Variants in CPED1 observed in about 807,000 individuals in gnomAD.
The protein encoded by CPED1 is cadherin like and PC-esterase domain containing 1, also known as cadherin-like and PC-esterase domain-containing protein 1.
A neutral mutation model predicts 128.2 loss-of-function variants in CPED1; 114 were observed. That is an observed-to-expected ratio of 0.89 (90% CI 0.76 to 1.04). The LOEUF is 1.04. Among genes scored for constraint, CPED1 ranks in the 50% least tolerant of loss-of-function variants. CPED1 has a pLI of 0.00. For synonymous variants in CPED1, 462 were observed against 426.7 expected (o/e 1.08, Z -1.02); for missense variants, 1,211 against 1,207.1 (o/e 1.00, Z -0.05).
chr7:121,069,086 T>A (rs1054854990), intron 5 of CPED1, among the ~76,000 whole-genome samples: 1 of 152,116 alleles, frequency 6.6e-6, no homozygotes, highest in Non-Finnish European at 1.5e-5. Context: ...AGGCACTATC[T>A]CTTTTTCAAG....
At chr7:121,021,945 T>C (rs748792536) in intron 3 of CPED1, among the ~76,000 whole-genome samples, 3 of 152,036 alleles carry the variant, frequency 2.0e-5, no homozygotes, top group Admixed American at 6.6e-5. Flanking sequence ...ATAGGTGTTT[T>C]TCAATTTAGC....
chr7:121,275,155 A>G (rs1014322407), intron 22 of CPED1, among the ~76,000 whole-genome samples: 1 of 152,150 alleles, frequency 6.6e-6, no homozygotes, highest in African/African-American at 2.4e-5. Context: ...TTGTGGTTAG[A>G]ATTCTATCAT....
chr7:121,006,804 G>C (rs973388713), intron 2 of CPED1, among the ~76,000 whole-genome samples: 2 of 152,150 alleles, frequency 1.3e-5, no homozygotes, highest in African/African-American at 2.4e-5. Flanking sequence ...ATAGTAAACT[G>C]CTGACCCACA....
At chr7:121,290,948 A>G (rs1416136812) in intron 22 of CPED1, among the ~76,000 whole-genome samples, 1 of 152,204 alleles carries the variant, frequency 6.6e-6, no homozygotes, top group East Asian at 1.9e-4. Context: ...CTTATGTTTA[A>G]ATATTTAAAC....
At chr7:121,048,029 C>T (rs992400256) in intron 4 of CPED1, among the ~76,000 whole-genome samples, 4 of 152,098 alleles carry the variant, frequency 2.6e-5, no homozygotes, top group Admixed American at 6.6e-5. Flanking sequence ...GCTGAGCACA[C>T]GCTTTTGTGA....
At chr7:121,131,472 C>G (rs942674915) in intron 12 of CPED1, among the ~76,000 whole-genome samples, 1 of 151,296 alleles carries the variant, frequency 6.6e-6, no homozygotes, top group African/African-American at 2.4e-5. Context: ...GACTTGATTT[C>G]CACAGGAAGC....
chr7:121,243,506 C>T (rs1798449863), intron 17 of CPED1, among the ~76,000 whole-genome samples: 1 of 152,060 alleles, frequency 6.6e-6, no homozygotes, highest in African/African-American at 2.4e-5. Context: ...TACTTTCTAC[C>T]TGAACTCTGT....
At chr7:121,135,787 G>A (rs1177978531) in intron 13 of CPED1, among the ~76,000 whole-genome samples, 2 of 151,916 alleles carry the variant, frequency 1.3e-5, no homozygotes, top group East Asian at 1.9e-4. Context: ...GCTGATCAAC[G>A]TCAGGCAATA....
chr7:121,230,922 T>C (rs1476230070), intron 16 of CPED1, among the ~76,000 whole-genome samples: 2 of 152,032 alleles, frequency 1.3e-5, no homozygotes, highest in East Asian at 3.9e-4. Context: ...GTCATAGTTA[T>C]ATTGAAATTG....
chr7:121,100,199 A>G, intron 7 of CPED1, 105 bp downstream of exon 7: 1 of 943,056 alleles, frequency 1.1e-6, no homozygotes, highest in South Asian at 1.7e-5. Flanking sequence ...ATCCCATTGA[A>G]CAAGGATCAC....
chr7:121,119,038 T>C (rs1225890736), intron 7 of CPED1, among the ~76,000 whole-genome samples: 2 of 152,202 alleles, frequency 1.3e-5, no homozygotes, highest in South Asian at 2.1e-4. Flanking sequence ...AATACAATTT[T>C]ACTTTTTATT....
intron 18 of CPED1, among the ~76,000 whole-genome samples, chr7:121,250,457 GA>G (rs1439705719): frequency 3.3e-5 from 5 of 151,866 alleles, no homozygotes; most frequent in Admixed American, 3.3e-4. Context: ...CAGAAGGCAA[GA>G]AATAACTAAG....
intron 18 of CPED1, among the ~76,000 whole-genome samples, chr7:121,255,839 A>G (rs1177546898): frequency 1.3e-5 from 2 of 152,058 alleles, no homozygotes; most frequent in Non-Finnish European, 2.9e-5. Context: ...ATACCTAGGA[A>G]TACAGATAAG....
Position 121,295,537 on chromosome 7 carries a change from T to A in CPED1, c.2966T>A (p.Leu989Gln). Residue 989 changes from leucine to glutamine, a missense_variant, in exon 23 of 23, where the codon CTA becomes CAA. Physicochemically the swap from Leu to Gln is moderately radical, Grantham distance 113. Transcript: ENST00000310396. The part of the protein sequence containing the change: ...MGRYFSNQSK[L>Q]QQGTVTNFRS... ...AGATATTTCAGCAATCAAAGCAAAC[T>A]ACAACAAGGCACTGTAACAAATTTT... 6.2e-7 allele frequency: 1 copy of A among 1,614,082 alleles called. No homozygotes were observed. Among genetic ancestry groups the A allele is most frequent in the Non-Finnish European group, 8.5e-7 (1 of 1,179,942 alleles).
Position 121,236,752 on chromosome 7 carries a change from G to A in CPED1, c.2094G>A (p.Gly698=), listed in dbSNP as rs1200177075. 9 of 1,608,870 alleles carry A rather than the reference G, an allele frequency of 5.6e-6. No homozygotes were observed. Among genetic ancestry groups the A allele is most frequent in the Non-Finnish European group, 5.9e-6 (7 of 1,177,894 alleles). ...TGATTCATCCAGAGGAAACCTGTGG[G>A]TTACAGCCTATTTCTTCTGACTACA... The part of the protein sequence containing the change: ...GLLIHPEETC[G]LQPISSDYIE... Residue 698 remains glycine, a synonymous_variant, in exon 17 of 23, where the codon GGG becomes GGA. Coordinates refer to ENST00000310396, the MANE Select transcript of CPED1 (RefSeq NM_024913.5).
chr7:121,111,876 A>G (rs1001977342), intron 7 of CPED1, among the ~76,000 whole-genome samples: 6 of 152,210 alleles, frequency 3.9e-5, no homozygotes, highest in Non-Finnish European at 8.8e-5. Flanking sequence ...TCATCTCCAA[A>G]CTTAGTGACT....
intron 16 of CPED1, among the ~76,000 whole-genome samples, chr7:121,213,475 CTT>C (rs1301172800): frequency 6.6e-6 from 1 of 152,036 alleles, no homozygotes; most frequent in African/African-American, 2.4e-5. Context: ...AGGAGACACT[CTT>C]TAAGAGTTAG....
chr7:121,131,481 G>C (rs1041038963), intron 12 of CPED1, among the ~76,000 whole-genome samples: 1 of 151,068 alleles, frequency 6.6e-6, no homozygotes, highest in African/African-American at 2.4e-5. Context: ...TCCACAGGAA[G>C]CTGTTTCAAA....
At position 121,007,230 on chromosome 7, in the gene CPED1, C is replaced by CTTTTTTT. The variant is rs147867549; in HGVS notation, c.250-8435_250-8434insTTTTTTT. ...AAGCGTTGCGAAACTGTTCAGGTTGCATTTTTTTTTTTTTTTTTTGTCTTG... is the reference window on the plus strand; with the variant it reads ...AAGCGTTGCGAAACTGTTCAGGTTGCTTTTTTTATTTTTTTTTTTTTTTTTTGTCTTG... On this transcript the variant is annotated intron_variant, in intron 2 of 22. Transcript: ENST00000310396. Among the ~76,000 whole-genome samples, 11 of 115,858 alleles carry CTTTTTTT rather than the reference C, an allele frequency of 9.5e-5. 2 individuals are homozygous for CTTTTTTT. Among genetic ancestry groups the CTTTTTTT allele is most frequent in the East Asian group, 2.6e-4 (1 of 3,790 alleles). The allele number at this position is 115,858 out of a possible 152,430, so 76.0% of individuals were successfully genotyped here.
Sources: gnomAD v4.1 joint callset for allele counts (sites outside exome capture counted in the v4.1 genomes callset) on GRCh38, gnomAD v4.1.1 for gene constraint, MANE v1.5 for transcripts, NCBI Gene and HGNC (gene_info 2026-07-23, HGNC 2026-07-21) for gene names.